Variants in SLC26A5 observed in about 807,000 individuals in gnomAD.
SLC26A5 encodes the protein solute carrier family 26 member 5, also known as prestin.
SLC26A5 carries 51 observed loss-of-function variants against 81.0 expected under a neutral mutation model. The ratio of observed to expected loss-of-function variants is 0.63; its 90% CI spans 0.50 to 0.80. SLC26A5 has a LOEUF of 0.80. Ranked by LOEUF, SLC26A5 falls within the 30% of genes least tolerant of loss-of-function variation. The pLI is 0.00. For synonymous variants in SLC26A5, 325 were observed against 332.8 expected, an observed-to-expected ratio of 0.98 and a Z score of 0.25; for missense variants, 771 against 905.8, an observed-to-expected ratio of 0.85 and a Z score of 1.91.
chr7:103,421,995 G>A (rs1825389251), intron 2 of SLC26A5, among the ~76,000 whole-genome samples: 1 of 152,122 alleles, frequency 6.6e-6, no homozygotes, highest in Admixed American at 6.6e-5. Flanking sequence ...TATATTTATG[G>A]TTGATTACTC....
intron 14 of SLC26A5, among the ~76,000 whole-genome samples, chr7:103,387,693 T>G (rs1287022425): frequency 6.6e-6 from 1 of 152,152 alleles, no homozygotes; most frequent in African/African-American, 2.4e-5. Context: ...TTTTAAAAAA[T>G]TTTTTGAGAT....
rs1563560132 is a variant in SLC26A5 at position 103,411,571 on chromosome 7, A to G, written c.419T>C (p.Ile140Thr). The change falls in exon 6 of 20, where the codon ATT becomes ACT. Residue 140 changes from isoleucine to threonine, a missense_variant. Physicochemically the swap from Ile to Thr is moderately conservative, Grantham distance 89 (BLOSUM62 -1). Coordinates refer to ENST00000306312, the MANE Select transcript of SLC26A5 (RefSeq NM_198999.3). ...RHISIGPFAV[I>T]SLMIGGVAVR... ...AGCTACACCACCAATCATCAGGCTAATAACAGCAAAAGGACCTGAAATAAT... is the reference window on the plus strand; with the variant it reads ...AGCTACACCACCAATCATCAGGCTAGTAACAGCAAAAGGACCTGAAATAAT... The G allele has an allele frequency of 4.3e-6, 7 of 1,614,172 alleles. No homozygotes were observed. Among genetic ancestry groups the G allele is most frequent in the Middle Eastern group, 3.3e-4 (2 of 6,060 alleles).
rs1586165615 is a variant in SLC26A5, at chr7:103,362,585, C to G, written c.2042-9659G>C. On this transcript the variant is annotated intron_variant, in intron 19 of 19. Coordinates refer to the SLC26A5 transcript ENST00000339444. The stretch of plus-strand genomic sequence containing the variant: ...ATATAATTAGGGACTCTGTCTCTCT[C>G]TTGTTTTCTTAAAGTATGGTTTTGG... 2.8e-5 allele frequency: 41 copies of G among 1,446,410 alleles called. No individual in the cohort carries two copies. In the East Asian group the frequency reaches 9.5e-4, roughly 34 times the overall value. The allele number at this position is 1,446,410 out of a possible 1,614,324, so 89.6% of individuals were successfully genotyped here. A position where few individuals can be genotyped will look rare whatever the true frequency, so the allele number is the denominator to read the frequency against.
chr7:103,402,687 C>A (rs1164446731), intron 8 of SLC26A5, among the ~76,000 whole-genome samples: 1 of 152,146 alleles, frequency 6.6e-6, no homozygotes, highest in African/African-American at 2.4e-5. Flanking sequence ...GCGTGAGCCA[C>A]CGTGCCCAGC....
intron 9 of SLC26A5, among the ~76,000 whole-genome samples, chr7:103,393,868 T>C (rs1358955999): frequency 6.6e-6 from 1 of 152,138 alleles, no homozygotes; most frequent in African/African-American, 2.4e-5. Flanking sequence ...GGCTAAACAA[T>C]AATAACAATA....
At chr7:103,386,249 A>G (rs958990730) in intron 14 of SLC26A5, among the ~76,000 whole-genome samples, 27 of 152,060 alleles carry the variant, frequency 1.8e-4, no homozygotes, top group African/African-American at 6.5e-4. Flanking sequence ...AGCATTAAAA[A>G]AAAAAAACTT....
At chr7:103,379,484 A>C in intron 15 of SLC26A5, 149 bp from the exon 16 acceptor site, 2 of 140,962 alleles carry the variant, frequency 1.4e-5, no homozygotes, top group Non-Finnish European at 3.1e-5. Context: ...CACACAGACC[A>C]AAAAAAAAAA....
intron 14 of SLC26A5, 71 bp from the exon 15 acceptor site, chr7:103,380,620 G>T: frequency 7.1e-7 from 1 of 1,398,848 alleles, no homozygotes; most frequent in Non-Finnish European, 1.0e-6. Context: ...GGTTGTGTAT[G>T]TTTATGTCAG....
intron 19 of SLC26A5, among the ~76,000 whole-genome samples, chr7:103,360,043 T>C (rs1422407586): frequency 6.6e-6 from 1 of 151,232 alleles, no homozygotes; most frequent in Non-Finnish European, 1.5e-5. Flanking sequence ...ATCGCGCCAC[T>C]GCACTCCAGC....
chr7:103,371,130 A>G (rs1023377934), downstream of SLC26A5, among the ~76,000 whole-genome samples: 1 of 152,224 alleles, frequency 6.6e-6, no homozygotes, highest in African/African-American at 2.4e-5. Context: ...ATTCTGACGT[A>G]TTTACATATG....
intron 19 of SLC26A5, among the ~76,000 whole-genome samples, chr7:103,358,309 G>A (rs1820159442): frequency 6.6e-6 from 1 of 152,098 alleles, no homozygotes; most frequent in Non-Finnish European, 1.5e-5. Context: ...TCATGGTGAT[G>A]TGCCTTGGTG....
intron 2 of SLC26A5, among the ~76,000 whole-genome samples, chr7:103,431,367 G>C (rs1302909790): frequency 6.6e-6 from 1 of 151,006 alleles, no homozygotes; most frequent in East Asian, 1.9e-4. Context: ...CTGTCACCCA[G>C]GCTGGAGTGC....
At chr7:103,435,126 TTTTA>T (rs1485845135) in intron 2 of SLC26A5, 2 of 152,184 alleles carry the variant, frequency 1.3e-5, no homozygotes, top group African/African-American at 4.8e-5. Flanking sequence ...AGTAAATTAT[TTTTA>T]TTTTAGTTAT....
intron 19 of SLC26A5, 34 bp from the exon 20 acceptor site, chr7:103,374,626 T>G: frequency 6.3e-7 from 1 of 1,598,088 alleles, no homozygotes; most frequent in Non-Finnish European, 8.6e-7. Flanking sequence ...TAGTCCACAC[T>G]CTGGATATCA....
intron 19 of SLC26A5, chr7:103,364,058 A>G: frequency 7.6e-7 from 1 of 1,308,856 alleles, no homozygotes; most frequent in Non-Finnish European, 1.1e-6. Flanking sequence ...AAAATACTAA[A>G]CATAAAAGCA....
At chr7:103,387,650 C>T (rs1822299391) in intron 14 of SLC26A5, among the ~76,000 whole-genome samples, 2 of 152,166 alleles carry the variant, frequency 1.3e-5, no homozygotes, top group African/African-American at 4.8e-5. Context: ...GCCGCCAGGA[C>T]CTGACTAAAG....
At chr7:103,431,866 CT>C (rs5886254) in intron 2 of SLC26A5, among the ~76,000 whole-genome samples, 57,988 of 147,994 alleles carry the variant, frequency 0.39, 14,991 homozygotes, top group African/African-American at 0.73. Context: ...AATTATATGG[CT>C]TTTTTTTTTT....
intron 2 of SLC26A5, among the ~76,000 whole-genome samples, chr7:103,425,668 C>T (rs1433932818): frequency 6.6e-6 from 1 of 151,784 alleles, no homozygotes; most frequent in Non-Finnish European, 1.5e-5. Context: ...ATGTAATTGC[C>T]ATAAGATGCT....
intron 19 of SLC26A5, chr7:103,362,748 C>T: frequency 6.3e-7 from 1 of 1,590,110 alleles, no homozygotes; most frequent in Non-Finnish European, 8.6e-7. Flanking sequence ...CCAACAGTTA[C>T]CATGATGCAG....
Sources: allele counts gnomAD v4.1 joint callset (sites outside exome capture counted in the v4.1 genomes callset), GRCh38; gene constraint gnomAD v4.1.1; transcripts MANE v1.5; gene names NCBI Gene and HGNC (gene_info 2026-07-23, HGNC 2026-07-21).